The following CHSY1 variants were observed in gnomAD, a reference collection of about 807,000 sequenced individuals.
The protein encoded by CHSY1 is N-acetylgalactosaminyl-proteoglycan 3-beta-glucuronosyltransferase 1.
Under a neutral mutation model 59.8 loss-of-function variants are expected in CHSY1, and 13 were observed. The observed-to-expected ratio is 0.22, with a 90% CI of 0.14 to 0.35. The LOEUF is 0.35. Ranked by LOEUF, CHSY1 falls within the 10% of genes least tolerant of loss-of-function variation. The probability of loss-of-function intolerance (pLI) is 1.00; values close to 1 mark genes in which losing one functional copy is unlikely to be tolerated. For synonymous variants in CHSY1, 459 were observed against 401.2 expected, an observed-to-expected ratio of 1.14 and a Z score of -1.72; for missense variants, 947 against 1,030.6, an observed-to-expected ratio of 0.92 and a Z score of 1.11.
chr15:101,198,060 G>A (rs1272031908), intron 2 of CHSY1, among the ~76,000 whole-genome samples: 1 of 152,074 alleles, frequency 6.6e-6, no homozygotes, highest in East Asian at 1.9e-4. Context: ...ACAGACTGTG[G>A]TCTGACTCCG....
rs2038187171 is a variant in CHSY1 at position 101,176,306 on chromosome 15, AAC to A, written c.*1080_*1081del. On this transcript the variant is annotated 3_prime_UTR_variant, in exon 3 of 3. Transcript: ENST00000254190. ...GAATGAAAACCATCTCCACCCACAT[AAC>A]ACAGACAGGATGAAAGGAACAAAAC... is the stretch of plus-strand genomic sequence containing the variant. 2.5e-6 allele frequency: 1 copy of A among 398,464 alleles called. No homozygotes were observed. The highest frequency in any genetic ancestry group is 1.3e-4 in the South Asian group (1 of 7,866). The allele number at this position is 398,464 out of a possible 1,614,324, so 24.7% of individuals were successfully genotyped here.
At chr15:101,225,760 A>G (rs796764956) in intron 2 of CHSY1, among the ~76,000 whole-genome samples, 3 of 152,258 alleles carry the variant, frequency 2.0e-5, no homozygotes, top group African/African-American at 7.2e-5. Context: ...TTTATAAATT[A>G]CCCAGTCTCA....
chr15:101,248,710 A>AAT (rs1237864111), intron 1 of CHSY1, among the ~76,000 whole-genome samples: 1 of 152,280 alleles, frequency 6.6e-6, no homozygotes, highest in African/African-American at 2.4e-5. Context: ...GGCCAAAAGT[A>AAT]AGAGCGTTAA....
At chr15:101,229,723 A>T (rs1006463172) in intron 2 of CHSY1, among the ~76,000 whole-genome samples, 3 of 152,056 alleles carry the variant, frequency 2.0e-5, no homozygotes, top group Non-Finnish European at 4.4e-5. Context: ...CCTGGTTAAC[A>T]TGGTGAAACC....
intron 2 of CHSY1, among the ~76,000 whole-genome samples, chr15:101,204,434 C>T (rs978717398): frequency 8.8e-5 from 7 of 79,650 alleles, no homozygotes; most frequent in African/African-American, 4.4e-4. Context: ...AACTCCATCT[C>T]AAATAATAAT....
chr15:101,229,106 G>A (rs1429684140), intron 2 of CHSY1, among the ~76,000 whole-genome samples: 2 of 151,982 alleles, frequency 1.3e-5, no homozygotes, highest in African/African-American at 4.8e-5. Flanking sequence ...AAATGACAAG[G>A]GAATTACAAT....
intron 1 of CHSY1, among the ~76,000 whole-genome samples, chr15:101,241,177 G>A (rs999186649): frequency 6.6e-6 from 1 of 152,096 alleles, no homozygotes; most frequent in Non-Finnish European, 1.5e-5. Flanking sequence ...TGCAACCTCC[G>A]TCTCCCAGGT....
At position 101,235,533 on chromosome 15, in the gene CHSY1, C is replaced by T. The variant is rs751299382; in HGVS notation, c.365G>A (p.Ser122Asn). Residue 122 changes from serine (S) to asparagine (N), a missense_variant, in exon 2 of 3, where the codon AGT becomes AAT. Around this residue, in one of 4 missense-constraint regions of CHSY1, gnomAD observed 232 missense variants for 188.5 expected, o/e 1.23. Transcript: ENST00000254190. ...TGGTACAGATGTGTCAGAACCCTCA[C>T]TTGAGAAGAACTGAACTTTCCCAGG... ...TIPGKVQFFS[S>N]EGSDTSVPIP... The T allele has an allele frequency of 6.2e-6, 10 of 1,613,206 alleles. No homozygotes were observed. In the African/African-American group the frequency reaches 9.3e-5, roughly 15 times the overall value.
At chr15:101,205,882 G>A (rs575641081) in intron 2 of CHSY1, among the ~76,000 whole-genome samples, 3 of 152,160 alleles carry the variant, frequency 2.0e-5, no homozygotes, top group Non-Finnish European at 2.9e-5. Context: ...AACCCAGGAG[G>A]CGGAGCTTGC....
At chr15:101,224,514 G>A (rs1009064508) in intron 2 of CHSY1, among the ~76,000 whole-genome samples, 1 of 152,138 alleles carries the variant, frequency 6.6e-6, no homozygotes, top group Non-Finnish European at 1.5e-5. Flanking sequence ...TGGCAATGAC[G>A]GTTCTTAAAC....
In CHSY1 at chr15:101,178,373, T is replaced by C; in HGVS notation, c.1424A>G (p.Gln475Arg). Residue 475 changes from glutamine to arginine, a missense_variant, in exon 3 of 3, where the codon CAG (glutamine) becomes CGG (arginine). Gln to Arg is a conservative substitution (Grantham distance 43, BLOSUM62 1). This residue lies in a region of CHSY1 where 602 missense variants were observed against 676.9 expected (regional missense o/e 0.89). Transcript: ENST00000254190. ...VPVRRHAYLQ[Q>R]TFSKIQFVEH... is the part of the protein sequence containing the mutation. ...CACAAACTGGATTTTGCTGAAAGTC[T>C]GCTGTAAATACGCGTGCCTCCTCAC... 6.2e-7 allele frequency: 1 copy of C among 1,609,300 alleles called. No homozygotes were observed. The highest frequency in any genetic ancestry group is 8.5e-7 in the Non-Finnish European group (1 of 1,176,104).
At chr15:101,202,992 C>T (rs1302940193) in intron 2 of CHSY1, among the ~76,000 whole-genome samples, 1 of 152,050 alleles carries the variant, frequency 6.6e-6, no homozygotes, top group East Asian at 1.9e-4. Context: ...TACTTGTTTC[C>T]AGAGAAAAAC....
intron 2 of CHSY1, among the ~76,000 whole-genome samples, chr15:101,182,928 C>A (rs930386179): frequency 1.3e-5 from 2 of 152,082 alleles, no homozygotes; most frequent in African/African-American, 4.8e-5. Context: ...AAAAGCAAAA[C>A]CCTTGGTGGA....
At chr15:101,207,583 T>A (rs2038639481) in intron 2 of CHSY1, among the ~76,000 whole-genome samples, 1 of 152,048 alleles carries the variant, frequency 6.6e-6, no homozygotes, top group African/African-American at 2.4e-5. Context: ...AATACAGAAA[T>A]AATTAAGACA....
At chr15:101,237,674 C>T (rs2038960625) in intron 1 of CHSY1, among the ~76,000 whole-genome samples, 1 of 152,228 alleles carries the variant, frequency 6.6e-6, no homozygotes, top group Non-Finnish European at 1.5e-5. Flanking sequence ...CACGTAAAGG[C>T]TGCTTCTGCT....
intron 1 of CHSY1, among the ~76,000 whole-genome samples, chr15:101,243,535 G>A (rs1028919957): frequency 2.0e-5 from 3 of 152,094 alleles, no homozygotes; most frequent in Non-Finnish European, 4.4e-5. Flanking sequence ...TGGCCCCACA[G>A]CCTCCACACT....
intron 2 of CHSY1, among the ~76,000 whole-genome samples, chr15:101,212,930 G>C (rs965412540): frequency 6.6e-6 from 1 of 152,120 alleles, no homozygotes; most frequent in African/African-American, 2.4e-5. Context: ...TAGAATCCAG[G>C]TGGTAAGTAT....
chr15:101,198,928 G>A (rs1567093127), intron 2 of CHSY1, among the ~76,000 whole-genome samples: 1 of 152,210 alleles, frequency 6.6e-6, no homozygotes, highest in Admixed American at 6.5e-5. Context: ...TGCTGGCTGT[G>A]ATCCAGAGCC....
At chr15:101,230,380 T>C (rs1049177834) in intron 2 of CHSY1, among the ~76,000 whole-genome samples, 1 of 152,148 alleles carries the variant, frequency 6.6e-6, no homozygotes, top group Admixed American at 6.5e-5. Context: ...ACACAAATCA[T>C]CTCTGTGACA....
Sources: gnomAD v4.1 joint callset for allele counts (sites outside exome capture counted in the v4.1 genomes callset) on GRCh38, gnomAD v4.1.1 for gene constraint, gnomAD v4.1.1 regional missense constraint, MANE v1.5 for transcripts, NCBI Gene and HGNC (gene_info 2026-07-23, HGNC 2026-07-21) for gene names.